The following ARID1B variants were observed in gnomAD, a reference collection of about 807,000 sequenced individuals.
ARID1B encodes AT-rich interaction domain 1B, also known as AT-rich interactive domain-containing protein 1B.
ARID1B carries 30 observed loss-of-function variants against 212.3 expected under a neutral mutation model. That is an observed-to-expected ratio of 0.14 (90% CI 0.11 to 0.19). The LOEUF (loss-of-function observed/expected upper bound fraction) is 0.19. Ranked by LOEUF, ARID1B falls within the 10% of genes least tolerant of loss-of-function variation. The pLI, the probability that ARID1B is intolerant of heterozygous loss-of-function variation, is 1.00. For missense variants in ARID1B, 2,891 were observed against 3,204.0 expected (o/e 0.90, Z 2.36); for synonymous variants, 1,402 against 1,301.7 (o/e 1.08, Z -1.66).
intron 4 of ARID1B, among the ~76,000 whole-genome samples, chr6:157,058,266 CT>C (rs767176770): frequency 0.015 from 2,055 of 137,282 alleles, 26 homozygotes; most frequent in African/African-American, 0.037. Context: ...TTATCTTGGT[CT>C]TTTTTTTTTT....
At position 157,206,893 on chromosome 6, in the gene ARID1B, C is replaced by G. The variant is rs2128394882; in HGVS notation, c.6121C>G (p.Leu2041Val). 6.2e-7 allele frequency: 1 copy of G among 1,614,184 alleles called. No individual in the cohort carries two copies. Among genetic ancestry groups the G allele is most frequent in the Non-Finnish European group, 8.5e-7 (1 of 1,180,032 alleles). The change falls in exon 20 of 20, where the codon CTG (leucine) becomes GTG (valine). Residue 2041 changes from leucine to valine, a missense_variant. Around this residue, in one of 7 missense-constraint regions of ARID1B, gnomAD observed 332 missense variants for 369.2 expected, o/e 0.90. Transcript: ENST00000636930. This position sits in a 1 kb window ranked among gnomAD's most constrained non-coding sequence, Gnocchi z 6.8. ...AGCCAAAAGTCACCGGAACATCAAG[C>G]TGCTGGAGGACGAGCCCAGGAGCCG... The part of the protein sequence containing the change: ...QQAKSHRNIK[L>V]LEDEPRSRDE...
chr6:157,076,829 G>A (rs780654655), intron 4 of ARID1B, among the ~76,000 whole-genome samples: 20 of 152,138 alleles, frequency 1.3e-4, no homozygotes, highest in Non-Finnish European at 2.8e-4. Flanking sequence ...AATGATGTTT[G>A]GGAAGCACCA....
intron 7 of ARID1B, among the ~76,000 whole-genome samples, chr6:157,143,364 C>A (rs1439357115): frequency 6.6e-6 from 1 of 151,858 alleles, no homozygotes; most frequent in Admixed American, 6.6e-5. Flanking sequence ...CCTGGCTTTT[C>A]CTCTCATATT....
chr6:156,843,958 CT>C (rs1259927320), intron 2 of ARID1B, among the ~76,000 whole-genome samples: 2 of 152,090 alleles, frequency 1.3e-5, no homozygotes, highest in Non-Finnish European at 2.9e-5. Context: ...ATAGGTGCCC[CT>C]AGACCTGGAT....
intron 1 of ARID1B, among the ~76,000 whole-genome samples, chr6:156,812,933 G>GGTGTGTGTGTGT (rs71027314): frequency 1.1e-5 from 1 of 89,442 alleles, no homozygotes; most frequent in East Asian, 2.9e-4. Flanking sequence ...TATAATCCTG[G>GGTGTGTGTGTGT]GTGTGTGTGT....
intron 4 of ARID1B, among the ~76,000 whole-genome samples, chr6:156,954,032 G>C (rs905841605): frequency 6.6e-6 from 1 of 151,936 alleles, no homozygotes; most frequent in Non-Finnish European, 1.5e-5. Context: ...ATTAACACAG[G>C]CTTTCCTGTT....
intron 4 of ARID1B, among the ~76,000 whole-genome samples, chr6:157,080,913 G>A (rs1784598108): frequency 6.6e-6 from 1 of 152,222 alleles, no homozygotes; most frequent in Admixed American, 6.5e-5. Flanking sequence ...TAGAAGTTAA[G>A]TTATTTTTGG....
intron 2 of ARID1B, among the ~76,000 whole-genome samples, chr6:156,844,000 G>A (rs1201271903): frequency 6.6e-6 from 1 of 152,182 alleles, no homozygotes; most frequent in Non-Finnish European, 1.5e-5. Context: ...GGTCTGGGGA[G>A]AGAGGCATGT....
intron 3 of ARID1B, among the ~76,000 whole-genome samples, chr6:156,927,032 TAAAG>T (rs1219577753): frequency 7.1e-6 from 1 of 140,744 alleles, no homozygotes; most frequent in African/African-American, 2.8e-5. Context: ...CTTTAAAAGA[TAAAG>T]AACTTTAAAA....
intron 1 of ARID1B, among the ~76,000 whole-genome samples, chr6:156,796,492 AT>A (rs1468151701): frequency 6.6e-6 from 1 of 150,432 alleles, no homozygotes; most frequent in Non-Finnish European, 1.5e-5. Flanking sequence ...GATGAAAGGT[AT>A]CTTTTGCCTA....
intron 4 of ARID1B, among the ~76,000 whole-genome samples, chr6:157,051,728 G>T (rs2128378777): frequency 6.6e-6 from 1 of 152,284 alleles, no homozygotes; most frequent in East Asian, 1.9e-4. Flanking sequence ...ATTAGAGAGT[G>T]TACAGATGAT....
intron 2 of ARID1B, among the ~76,000 whole-genome samples, chr6:156,832,536 G>A (rs287927): frequency 0.22 from 33,850 of 152,104 alleles, 4,069 homozygotes; most frequent in Middle Eastern, 0.3. Context: ...AATATTGCTC[G>A]TATATTTCTG....
At position 156,859,790 on chromosome 6, in the gene ARID1B, C is replaced by T. The variant is rs191706953; in HGVS notation, c.1986+30369C>T. Among the ~76,000 whole-genome samples, 495 of 152,324 alleles carry T rather than the reference C, an allele frequency of 3.2e-3. 2 individuals are homozygous for T. The highest frequency in any genetic ancestry group is 0.011 in the African/African-American group (471 of 41,572). Reference sequence around the variant, plus strand: ...GCCTGGTCTAAATGTGCTTGAAAATCACCATCTGCTCCCTGCAGTTTGGAG... The same window carrying T: ...GCCTGGTCTAAATGTGCTTGAAAATTACCATCTGCTCCCTGCAGTTTGGAG... On this transcript the variant is annotated intron_variant, in intron 2 of 19. Transcript: ENST00000636930.
chr6:156,953,243 G>C (rs1793715959), intron 4 of ARID1B, among the ~76,000 whole-genome samples: 2 of 152,228 alleles, frequency 1.3e-5, no homozygotes, highest in Non-Finnish European at 1.5e-5. Context: ...ATGGACGGCT[G>C]CCCTCTGCAG....
At chr6:156,923,994 C>T (rs1791017072) in intron 3 of ARID1B, among the ~76,000 whole-genome samples, 1 of 152,208 alleles carries the variant, frequency 6.6e-6, no homozygotes, top group Non-Finnish European at 1.5e-5. Flanking sequence ...GGTGCCCAGA[C>T]TGATTCTCAT....
intron 3 of ARID1B, among the ~76,000 whole-genome samples, chr6:156,907,967 G>A (rs1055037678): frequency 6.7e-6 from 1 of 149,666 alleles, no homozygotes. Flanking sequence ...GAAAGAATTT[G>A]TGTTGTTATC....
chr6:157,083,511 G>T (rs1406161292), intron 4 of ARID1B, among the ~76,000 whole-genome samples: 1 of 152,102 alleles, frequency 6.6e-6, no homozygotes, highest in South Asian at 2.1e-4. Context: ...TCTGCTGAGG[G>T]AGCAGAAGAC....
At position 156,955,752 on chromosome 6, in the gene ARID1B, TGGA is replaced by T. The variant is rs1226591722; in HGVS notation, c.2247+20177_2247+20179del. Among the ~76,000 whole-genome samples, 2 of 152,082 alleles carry T rather than the reference TGGA, an allele frequency of 1.3e-5. No homozygotes were observed. The highest frequency in any genetic ancestry group is 2.4e-5 in the African/African-American group (1 of 41,426). ...CCAGAAGGGCCCTAGAAACAGAGCC[TGGA>T]TGTCATGGGGTCCAAGGCAGAAGAT... On this transcript the variant is annotated intron_variant, in intron 4 of 19. Coordinates refer to ENST00000636930, the MANE Select transcript of ARID1B (RefSeq NM_001374828.1). This position sits in a 1 kb window ranked among gnomAD's most constrained non-coding sequence, Gnocchi z 4.2.
chr6:157,097,082 A>T (rs554874203), intron 5 of ARID1B, among the ~76,000 whole-genome samples: 231 of 152,246 alleles, frequency 1.5e-3, no homozygotes, highest in African/African-American at 5.3e-3. Context: ...CTCGTTCTTT[A>T]CTTTTAAAAG....
Sources: gnomAD v4.1 joint callset for allele counts (sites outside exome capture counted in the v4.1 genomes callset) on GRCh38, gnomAD v4.1.1 for gene constraint, gnomAD v4.1.1 regional missense constraint, Gnocchi (gnomAD v3.1) non-coding constraint, MANE v1.5 for transcripts, NCBI Gene and HGNC (gene_info 2026-07-23, HGNC 2026-07-21) for gene names.